Variants in MSR1 observed in about 807,000 individuals in gnomAD.
MSR1 encodes the protein macrophage scavenger receptor 1.
In MSR1, 53 loss-of-function variants were observed where a neutral mutation model predicts 47.2. The ratio of observed to expected loss-of-function variants is 1.12; its 90% confidence interval spans 0.90 to 1.41. The LOEUF (loss-of-function observed/expected upper bound fraction) is 1.41, where lower values mean the gene tolerates loss of function less well. MSR1 is among the 40% of genes most tolerant of loss of function. The pLI, the probability that MSR1 is intolerant of heterozygous loss-of-function variation, is 0.00. For synonymous variants in MSR1, 239 were observed against 185.6 expected (o/e 1.29, Z -2.34); for missense variants, 786 against 546.9 (o/e 1.44, Z -4.36).
intron 3 of MSR1, among the ~76,000 whole-genome samples, chr8:16,174,069 C>A (rs951367437): frequency 2.6e-5 from 4 of 152,198 alleles, no homozygotes; most frequent in Non-Finnish European, 4.4e-5. Context: ...AGCTCCAATA[C>A]TGAGCTGTCT....
chr8:16,155,524 C>T (rs146861086), intron 5 of MSR1, among the ~76,000 whole-genome samples: 37 of 152,056 alleles, frequency 2.4e-4, no homozygotes, highest in Middle Eastern at 3.4e-3. Flanking sequence ...AGCTACTATA[C>T]GGAAAATCTA....
rs1285624550 is a variant in MSR1 at position 16,176,501 on chromosome 8, T to G, written c.104-1201A>C. Among the ~76,000 whole-genome samples, 3 of 133,476 alleles carry G rather than the reference T, an allele frequency of 2.2e-5. 1 individual carries two copies. Among genetic ancestry groups the G allele is most frequent in the African/African-American group, 8.7e-5 (3 of 34,392 alleles). 87.6% of individuals were successfully genotyped at this position (133,476 alleles called of 152,430 possible). A position where few individuals can be genotyped will look rare whatever the true frequency, so the allele number is the denominator to read the frequency against. On this transcript the variant is annotated intron_variant, in intron 2 of 9. Transcript: ENST00000262101. Reference sequence around the variant, plus strand: ...CAGCCTAGGTGAAAAAGTGAGACCCTGTCTCAAAAAGAAAAAAAAAAAAAG... The same window carrying G: ...CAGCCTAGGTGAAAAAGTGAGACCCGGTCTCAAAAAGAAAAAAAAAAAAAG...
chr8:16,178,079 T>C, intron 1 of MSR1, 87 bp from the exon 2 acceptor site: 1 of 1,026,982 alleles, frequency 9.7e-7, no homozygotes, highest in Non-Finnish European at 1.5e-6. Flanking sequence ...AATTTCAGTT[T>C]GAAATGGAAT....
At chr8:16,186,644 T>C (rs1285222704) in intron 1 of MSR1, among the ~76,000 whole-genome samples, 2 of 151,888 alleles carry the variant, frequency 1.3e-5, no homozygotes, top group African/African-American at 4.8e-5. Context: ...TTTCTTTTTT[T>C]TTTTTTTGAG....
At chr8:16,183,322 A>T (rs974036711) in intron 1 of MSR1, among the ~76,000 whole-genome samples, 1 of 151,970 alleles carries the variant, frequency 6.6e-6, no homozygotes, top group African/African-American at 2.4e-5. Flanking sequence ...TCTGATAAAC[A>T]TCTTTACACT....
rs573558509 is a variant in MSR1, at chr8:16,164,088, A to C, written c.794T>G (p.Leu265Trp). Reference protein sequence around the residue: ...RLKDWEHSQTLRNITLIQGPP... With the variant: ...RLKDWEHSQTWRNITLIQGPP... ...ACCTTGAATTAAAGTGATATTTCTC[A>C]AGGTCTGAGAATGTTCCCAATCTTT... Residue 265 changes from leucine (L) to tryptophan (W), a missense_variant, in exon 5 of 10, where the codon TTG becomes TGG. Leu to Trp is a moderately conservative substitution (Grantham distance 61). Coordinates refer to ENST00000262101, the MANE Select transcript of MSR1 (RefSeq NM_138715.3). 1.7e-5 allele frequency: 27 copies of C among 1,609,146 alleles called. No individual in the cohort carries two copies. The highest frequency in any genetic ancestry group is 2.3e-5 in the Non-Finnish European group (27 of 1,176,780).
chr8:16,168,444 C>T lies in MSR1; in HGVS notation c.630+14G>A. On this transcript the variant is annotated intron_variant, in intron 4 of 9. Coordinates refer to ENST00000262101, the MANE Select transcript of MSR1 (RefSeq NM_138715.3). ...CAGTTCCAGCAAGTGACCTTGCAGT[C>T]CACAAACTCTTACCTCTTGTTGTTT... 6.2e-7 allele frequency: 1 copy of T among 1,613,844 alleles called. No homozygotes were observed. The highest frequency in any genetic ancestry group is 8.5e-7 in the Non-Finnish European group (1 of 1,179,914).
intron 1 of MSR1, among the ~76,000 whole-genome samples, chr8:16,183,893 A>G (rs1227751778): frequency 7.1e-6 from 1 of 141,178 alleles, no homozygotes; most frequent in East Asian, 2.4e-4. Context: ...TATATAATAT[A>G]TAATTATATA....
intron 1 of MSR1, among the ~76,000 whole-genome samples, chr8:16,185,367 C>T (rs558950758): frequency 2.0e-5 from 3 of 152,278 alleles, no homozygotes; most frequent in East Asian, 1.9e-4. Flanking sequence ...CATAACACAA[C>T]TAGCTACAAA....
intron 6 of MSR1, among the ~76,000 whole-genome samples, chr8:16,154,163 C>T (rs2117142306): frequency 6.6e-6 from 1 of 151,940 alleles, no homozygotes; most frequent in Non-Finnish European, 1.5e-5. Context: ...CTAGTCAATA[C>T]ACTGATCAGA....
intron 8 of MSR1, among the ~76,000 whole-genome samples, chr8:16,126,105 A>G (rs1396397465): frequency 2.6e-5 from 4 of 152,124 alleles, no homozygotes; most frequent in Non-Finnish European, 5.9e-5. Context: ...ATTCACTGCA[A>G]TGTTCACAGA....
chr8:16,129,446 G>A (rs1425607455), intron 8 of MSR1, among the ~76,000 whole-genome samples: 2 of 152,056 alleles, frequency 1.3e-5, no homozygotes, highest in South Asian at 2.1e-4. Flanking sequence ...AGGAAATCTC[G>A]TCTTAAGATT....
At chr8:16,160,970 AC>A (rs1446396485) in intron 5 of MSR1, among the ~76,000 whole-genome samples, 6 of 151,694 alleles carry the variant, frequency 4.0e-5, no homozygotes, top group Non-Finnish European at 7.4e-5. Context: ...GAGAAAAGAC[AC>A]ATCTAGTGTA....
chr8:16,153,440 C>A (rs11786960), intron 6 of MSR1, among the ~76,000 whole-genome samples: 1 of 151,642 alleles, frequency 6.6e-6, no homozygotes, highest in South Asian at 2.1e-4. Flanking sequence ...AGGAACTCGA[C>A]CTGTCTTTTA....
intron 5 of MSR1, among the ~76,000 whole-genome samples, chr8:16,159,855 T>A (rs1027223946): frequency 6.6e-6 from 1 of 151,946 alleles, no homozygotes; most frequent in Non-Finnish European, 1.5e-5. Context: ...ATGCAAGAGG[T>A]GGCATCTTAG....
intron 1 of MSR1, among the ~76,000 whole-genome samples, chr8:16,187,806 C>T (rs1309630187): frequency 1.3e-5 from 2 of 152,096 alleles, no homozygotes; most frequent in East Asian, 1.9e-4. Context: ...CTGCACTGCA[C>T]GTAACTAGCA....
chr8:16,118,172 G>C (rs553242776), intron 9 of MSR1, among the ~76,000 whole-genome samples: 1 of 151,928 alleles, frequency 6.6e-6, no homozygotes, highest in African/African-American at 2.4e-5. Flanking sequence ...CTAAATAACT[G>C]GCAAATTTTA....
intron 8 of MSR1, among the ~76,000 whole-genome samples, chr8:16,141,948 A>C (rs1800568164): frequency 6.6e-6 from 1 of 152,204 alleles, no homozygotes; most frequent in African/African-American, 2.4e-5. Flanking sequence ...AGATAACATA[A>C]GGATAAGAAG....
At chr8:16,148,315 G>C (rs1800755225) in intron 7 of MSR1, among the ~76,000 whole-genome samples, 1 of 152,048 alleles carries the variant, frequency 6.6e-6, no homozygotes, top group South Asian at 2.1e-4. Context: ...TCATCAAGTT[G>C]TGTGAACTGG....
Sources: allele counts gnomAD v4.1 joint callset (sites outside exome capture counted in the v4.1 genomes callset), GRCh38; gene constraint gnomAD v4.1.1; transcripts MANE v1.5; gene names NCBI Gene and HGNC (gene_info 2026-07-23, HGNC 2026-07-21).